ATG10: variants seen among roughly 807,000 people sequenced by gnomAD.
ATG10 encodes ubiquitin-like-conjugating enzyme ATG10.
Under a neutral mutation model 32.1 loss-of-function variants are expected in ATG10, and 30 were observed. The observed-to-expected ratio is 0.94, with a 90% CI of 0.70 to 1.27. ATG10 has a LOEUF of 1.27. ATG10 is among the 50% of genes most tolerant of loss of function. The probability of loss-of-function intolerance (pLI) is 0.00; values close to 1 mark genes in which losing one functional copy is unlikely to be tolerated. For missense variants in ATG10, 233 were observed against 262.3 expected, an observed-to-expected ratio of 0.89 and a Z score of 0.77; for synonymous variants, 87 against 91.5, an observed-to-expected ratio of 0.95 and a Z score of 0.28.
intron 5 of ATG10, among the ~76,000 whole-genome samples, chr5:82,227,339 C>A (rs1746171264): frequency 6.6e-6 from 1 of 151,860 alleles, no homozygotes; most frequent in Admixed American, 6.6e-5. Flanking sequence ...ATCCCCAGGT[C>A]CCAATTCACA....
intron 5 of ATG10, among the ~76,000 whole-genome samples, chr5:82,184,905 G>C (rs1342148715): frequency 1.3e-5 from 2 of 152,170 alleles, no homozygotes; most frequent in African/African-American, 4.8e-5. Context: ...TCAGGTGGCT[G>C]TCTGCAGTCC....
intron 5 of ATG10, among the ~76,000 whole-genome samples, chr5:82,229,306 G>A (rs1399107841): frequency 1.3e-5 from 2 of 152,170 alleles, no homozygotes; most frequent in Admixed American, 1.3e-4. Flanking sequence ...GAGCCTCTTA[G>A]GAGGAACATG....
At chr5:82,197,957 C>G (rs1407133272) in intron 5 of ATG10, among the ~76,000 whole-genome samples, 3 of 152,030 alleles carry the variant, frequency 2.0e-5, no homozygotes, top group Admixed American at 1.3e-4. Flanking sequence ...TGGCTAATGC[C>G]TGGTATTGTG....
At chr5:82,122,292 A>G (rs1212873879) in intron 3 of ATG10, among the ~76,000 whole-genome samples, 1 of 152,092 alleles carries the variant, frequency 6.6e-6, no homozygotes, top group East Asian at 1.9e-4. Flanking sequence ...AAATGATGCT[A>G]GGATAATTGG....
intron 3 of ATG10, among the ~76,000 whole-genome samples, chr5:82,098,431 C>T (rs1765144757): frequency 6.6e-6 from 1 of 151,828 alleles, no homozygotes; most frequent in Admixed American, 6.6e-5. Flanking sequence ...CTGCCTCAGC[C>T]TCCCGAGTAG....
chr5:82,252,582 A>C lies in ATG10; in HGVS notation c.474A>C (p.Gln158His). ...ITQQEHPILG[Q>H]PFFVLHPCKT... ...TACAGGAACATCCAATACTTGGGCAACCCTTTTTTGTACTTCATCCCTGCA... is the reference window on the plus strand; with the variant it reads ...TACAGGAACATCCAATACTTGGGCACCCCTTTTTTGTACTTCATCCCTGCA... The change falls in exon 6 of 8, where the codon CAA (glutamine) becomes CAC (histidine). Residue 158 changes from glutamine (Q) to histidine (H), a missense_variant. Gln to His is a conservative substitution (Grantham distance 24, BLOSUM62 0). Coordinates refer to ENST00000282185, the MANE Select transcript of ATG10 (RefSeq NM_031482.5). The C allele has an allele frequency of 6.2e-7, 1 of 1,608,876 alleles. No homozygotes were observed. Among genetic ancestry groups the C allele is most frequent in the East Asian group, 2.2e-5 (1 of 44,742 alleles).
At chr5:81,978,565 G>A (rs538743461) in intron 1 of ATG10, among the ~76,000 whole-genome samples, 1 of 152,262 alleles carries the variant, frequency 6.6e-6, no homozygotes, top group African/African-American at 2.4e-5. Context: ...TTTTTCTTAT[G>A]TGCTTGCAGA....
chr5:82,226,631 C>A (rs1466517063), intron 5 of ATG10, among the ~76,000 whole-genome samples: 2 of 152,088 alleles, frequency 1.3e-5, no homozygotes, highest in Admixed American at 1.3e-4. Context: ...CTGTACATAG[C>A]AATACTTTAA....
At chr5:81,990,894 A>C (rs1400747295) in intron 2 of ATG10, among the ~76,000 whole-genome samples, 1 of 152,196 alleles carries the variant, frequency 6.6e-6, no homozygotes, top group Non-Finnish European at 1.5e-5. Flanking sequence ...GGGTGGAGAG[A>C]TCTCTGGATT....
intron 2 of ATG10, among the ~76,000 whole-genome samples, chr5:82,002,657 G>C (rs1039614099): frequency 9.9e-5 from 15 of 152,170 alleles, no homozygotes; most frequent in African/African-American, 3.6e-4. Context: ...TGGAGGGAGA[G>C]AGGAGGGTGA....
At chr5:82,043,779 C>T (rs115842308) in intron 2 of ATG10, among the ~76,000 whole-genome samples, 2 of 152,322 alleles carry the variant, frequency 1.3e-5, no homozygotes, top group African/African-American at 4.8e-5. Flanking sequence ...GTGATCTTTA[C>T]TCTGGTTCCC....
At chr5:82,005,606 T>C (rs189973756) in intron 2 of ATG10, among the ~76,000 whole-genome samples, 3 of 152,332 alleles carry the variant, frequency 2.0e-5, no homozygotes, top group Non-Finnish European at 4.4e-5. Flanking sequence ...ATTATTCTTT[T>C]TGGGATTTGT....
intron 1 of ATG10, among the ~76,000 whole-genome samples, chr5:81,979,557 T>C (rs922585598): frequency 3.9e-5 from 6 of 152,134 alleles, no homozygotes; most frequent in Non-Finnish European, 2.9e-5. Flanking sequence ...TTTGCCTATC[T>C]GTTATAGATG....
At chr5:82,143,829 A>G (rs1767243132) in intron 3 of ATG10, among the ~76,000 whole-genome samples, 1 of 152,218 alleles carries the variant, frequency 6.6e-6, no homozygotes, top group Admixed American at 6.5e-5. Flanking sequence ...CTGGCTTGTT[A>G]TCAAGGTAAT....
chr5:82,087,422 T>C (rs1764730186), intron 3 of ATG10, among the ~76,000 whole-genome samples: 1 of 152,200 alleles, frequency 6.6e-6, no homozygotes, highest in Admixed American at 6.5e-5. Context: ...TCTGTCTGAA[T>C]GGAACAGATC....
chr5:82,233,449 A>G (rs1746441923), intron 5 of ATG10, among the ~76,000 whole-genome samples: 1 of 152,214 alleles, frequency 6.6e-6, no homozygotes. Context: ...CTTCGTTTAT[A>G]TTATATTTGT....
At chr5:81,986,044 G>C (rs1028714842) in intron 1 of ATG10, among the ~76,000 whole-genome samples, 1 of 151,950 alleles carries the variant, frequency 6.6e-6, no homozygotes, top group Non-Finnish European at 1.5e-5. Context: ...GATTACAGGC[G>C]TGAGCCACCG....
chr5:81,987,491 A>T, intron 1 of ATG10, 68 bp from the exon 2 acceptor site: 1 of 1,196,370 alleles, frequency 8.4e-7, no homozygotes, highest in East Asian at 2.6e-5. Flanking sequence ...ACAGAAATAA[A>T]TCAATTGGCA....
intron 3 of ATG10, among the ~76,000 whole-genome samples, chr5:82,145,996 C>T (rs935301188): frequency 9.9e-5 from 15 of 152,170 alleles, no homozygotes; most frequent in African/African-American, 2.4e-4. Context: ...CGTGAGCCAC[C>T]GCGCCTGGCC....
Sources: allele counts gnomAD v4.1 joint callset (sites outside exome capture counted in the v4.1 genomes callset), GRCh38; gene constraint gnomAD v4.1.1; transcripts MANE v1.5; gene names NCBI Gene and HGNC (gene_info 2026-07-23, HGNC 2026-07-21).